MOV10L1: variants seen among roughly 807,000 people sequenced by gnomAD.
MOV10L1 encodes Mov10 like RNA helicase 1.
In MOV10L1, 110 loss-of-function variants were observed where a neutral mutation model predicts 143.8. The ratio of observed to expected loss-of-function variants is 0.76; its 90% CI spans 0.66 to 0.90. MOV10L1 has a LOEUF of 0.90. MOV10L1 is among the 40% of genes least tolerant of loss of function. The pLI is 0.00. For missense variants in MOV10L1, 1,406 were observed against 1,526.8 expected, an observed-to-expected ratio of 0.92 and a Z score of 1.32; for synonymous variants, 593 against 581.1, an observed-to-expected ratio of 1.02 and a Z score of -0.29.
intron 11 of MOV10L1, 63 bp downstream of exon 11, chr22:50,125,632 A>C: frequency 6.6e-7 from 1 of 1,504,072 alleles, no homozygotes; most frequent in East Asian, 2.3e-5. Context: ...TTGAGAGAAG[A>C]TACTCTTTAA....
intron 18 of MOV10L1, among the ~76,000 whole-genome samples, chr22:50,145,099 C>T (rs1602323259): frequency 6.6e-6 from 1 of 152,078 alleles, no homozygotes; most frequent in African/African-American, 2.4e-5. Flanking sequence ...TGTGCCACCA[C>T]ATCCAGCTAA....
At chr22:50,132,282 G>T (rs923208421) in intron 13 of MOV10L1, among the ~76,000 whole-genome samples, 1 of 152,180 alleles carries the variant, frequency 6.6e-6, no homozygotes, top group Non-Finnish European at 1.5e-5. Flanking sequence ...AGGTTGTCTG[G>T]CTGTTCCAGG....
At chr22:50,111,258 C>T (rs2062014728) in intron 5 of MOV10L1, among the ~76,000 whole-genome samples, 1 of 151,958 alleles carries the variant, frequency 6.6e-6, no homozygotes, top group Admixed American at 6.6e-5. Flanking sequence ...AAAGAGGGTG[C>T]GGTCACATGA....
chr22:50,138,494 G>C (rs528005828), intron 15 of MOV10L1, among the ~76,000 whole-genome samples: 19 of 151,858 alleles, frequency 1.3e-4, no homozygotes, highest in African/African-American at 4.6e-4. Context: ...GGAGGTTGAG[G>C]CTGCAGTGAG....
chr22:50,117,673 C>T (rs2062219193), intron 9 of MOV10L1, among the ~76,000 whole-genome samples: 1 of 152,214 alleles, frequency 6.6e-6, no homozygotes, highest in Non-Finnish European at 1.5e-5. Context: ...CAGCTCCTGC[C>T]ACCTCTCCCG....
chr22:50,157,223 C>T lies in MOV10L1; in HGVS notation c.3067-834C>T, dbSNP rs546562298. On this transcript the variant is annotated intron_variant, in intron 22 of 26. Transcript: ENST00000262794. ...TTTGTCAGTGAATTTAAGACTTCCT[C>T]GTAGTTTTGGATATTAACTTCTTAT... is the stretch of plus-strand genomic sequence containing the variant. 7.4e-4 allele frequency among the ~76,000 whole-genome samples: 112 copies of T among 152,254 alleles called. 3 individuals are homozygous for T. The South Asian group carries it at 0.016, about 22-fold the overall frequency.
Position 50,114,448 on chromosome 22 carries a change from T to G in MOV10L1, c.952T>G (p.Phe318Val). 1 of 1,614,222 alleles carries G rather than the reference T, an allele frequency of 6.2e-7. No individual in the cohort carries two copies. The highest frequency in any genetic ancestry group is 8.5e-7 in the Non-Finnish European group (1 of 1,180,040). ...KLAGWDKSKQFRFQMLDKDQM... is the reference protein window; with the variant it reads ...KLAGWDKSKQVRFQMLDKDQM... ...GGCTGGCTGGGATAAATCTAAACAA[T>G]TCAGATTCCAAATGCTGGATAAAGA... Residue 318 changes from phenylalanine to valine, a missense_variant, in exon 7 of 27, where the codon TTC becomes GTC. Physicochemically the swap from Phe to Val is conservative, Grantham distance 50. Coordinates refer to ENST00000262794, the MANE Select transcript of MOV10L1 (RefSeq NM_018995.3).
chr22:50,096,632 A>G (rs1228971431), intron 2 of MOV10L1, among the ~76,000 whole-genome samples: 1 of 152,006 alleles, frequency 6.6e-6, no homozygotes, highest in Non-Finnish European at 1.5e-5. Context: ...CCTTGCCAAC[A>G]CTTGCTATTT....
chr22:50,143,956 G>C, intron 17 of MOV10L1, 141 bp from the exon 18 acceptor site: 2 of 1,093,004 alleles, frequency 1.8e-6, no homozygotes, highest in East Asian at 2.4e-5. Flanking sequence ...TCGTGGCCCA[G>C]GTCTCAGTGT....
intron 8 of MOV10L1, among the ~76,000 whole-genome samples, chr22:50,116,719 G>A (rs1037895294): frequency 7.1e-5 from 10 of 141,198 alleles, no homozygotes; most frequent in African/African-American, 2.7e-4. Context: ...AGGCTGGAGT[G>A]CAGAGGCATG....
rs369600153 is a variant in MOV10L1, at chr22:50,160,674, C to G, written c.3325-14C>G. 1 of 1,610,348 alleles carries G rather than the reference C, an allele frequency of 6.2e-7. No individual in the cohort carries two copies. Among genetic ancestry groups the G allele is most frequent in the East Asian group, 2.2e-5 (1 of 44,828 alleles). On this transcript the variant is annotated splice_polypyrimidine_tract_variant and intron_variant, in intron 24 of 26. Coordinates refer to ENST00000262794, the MANE Select transcript of MOV10L1 (RefSeq NM_018995.3). ...CTTCAAGTGCCATTTTTATTCATCT[C>G]TGTGTGCTTTTAGGTACGGTCAAAT...
chr22:50,125,819 G>A (rs1359202239), intron 11 of MOV10L1, among the ~76,000 whole-genome samples: 3 of 151,808 alleles, frequency 2.0e-5, no homozygotes, highest in African/African-American at 7.3e-5. Flanking sequence ...GTGGAGTCTC[G>A]CTGTGTCGCC....
chr22:50,096,486 C>T (rs1193862286), intron 2 of MOV10L1: 1 of 152,224 alleles, frequency 6.6e-6, no homozygotes, highest in Non-Finnish European at 1.5e-5. Flanking sequence ...TCTTTTGGGG[C>T]TACGCCTAGG....
chr22:50,123,823 C>T (rs189325018), intron 10 of MOV10L1, among the ~76,000 whole-genome samples: 1 of 152,296 alleles, frequency 6.6e-6, no homozygotes, highest in Admixed American at 6.5e-5. Flanking sequence ...ACTGCTTTAA[C>T]CTCCTTAGTA....
At chr22:50,118,761 A>G (rs1035924425) in intron 9 of MOV10L1, among the ~76,000 whole-genome samples, 1 of 152,194 alleles carries the variant, frequency 6.6e-6, no homozygotes, top group Non-Finnish European at 1.5e-5. Flanking sequence ...GTGGGAATCC[A>G]GGCTGTGACG....
Position 50,090,030 on chromosome 22 carries a change from C to CGCGGGCGCGT in MOV10L1, c.-51_-42dup. The CGCGGGCGCGT allele has an allele frequency of 8.6e-7, 1 of 1,161,472 alleles. No individual in the cohort carries two copies. Among genetic ancestry groups the CGCGGGCGCGT allele is most frequent in the Non-Finnish European group, 1.1e-6 (1 of 940,164 alleles). 71.9% of individuals were successfully genotyped at this position (1,161,472 alleles called of 1,614,324 possible). A position where few individuals can be genotyped will look rare whatever the true frequency, so the allele number is the denominator to read the frequency against. On this transcript the variant is annotated 5_prime_UTR_variant, in exon 1 of 27. Coordinates refer to ENST00000262794, the MANE Select transcript of MOV10L1 (RefSeq NM_018995.3). ...CATTGGTGGCGGGCGGCGGGAGCGG[C>CGCGGGCGCGT]GCGGGCGCGTGCGGGCGGCGGCAGC...
rs1263095893 is a variant in MOV10L1, at chr22:50,144,117, C to G, written c.2379C>G (p.Asp793Glu). 2.5e-6 allele frequency: 4 copies of G among 1,610,344 alleles called. No individual in the cohort carries two copies. In the Middle Eastern group the frequency reaches 5.0e-4, roughly 200 times the overall value. ...AVLQVHFALPDSRILVCAPSN... is the reference protein window; with the variant it reads ...AVLQVHFALPESRILVCAPSN... The stretch of plus-strand genomic sequence containing the variant: ...TGAAGGTACACTTTGCCTTGCCGGA[C>G]AGTCGGATTTTAGTCTGTGCGCCCT... Residue 793 changes from aspartate to glutamate, a missense_variant, in exon 18 of 27, where the codon GAC (aspartate) becomes GAG (glutamate). By Grantham distance (45) the Asp-to-Glu change is conservative. Around this residue, in one of 3 missense-constraint regions of MOV10L1, gnomAD observed 1,233 missense variants for 1,351.4 expected, o/e 0.91. Transcript: ENST00000262794.
At chr22:50,101,133 G>C (rs989637641) in intron 3 of MOV10L1, among the ~76,000 whole-genome samples, 1 of 152,102 alleles carries the variant, frequency 6.6e-6, no homozygotes, top group Non-Finnish European at 1.5e-5. Flanking sequence ...TTTAAGCTGG[G>C]GGGTGGGAGG....
At chr22:50,137,444 A>G (rs1384020535) in intron 15 of MOV10L1, among the ~76,000 whole-genome samples, 2 of 152,160 alleles carry the variant, frequency 1.3e-5, no homozygotes, top group Non-Finnish European at 2.9e-5. Flanking sequence ...AGACGGAGCA[A>G]TAGAAACTAT....
Sources: gnomAD v4.1 joint callset for allele counts (sites outside exome capture counted in the v4.1 genomes callset) on GRCh38, gnomAD v4.1.1 for gene constraint, gnomAD v4.1.1 regional missense constraint, MANE v1.5 for transcripts, NCBI Gene and HGNC (gene_info 2026-07-23, HGNC 2026-07-21) for gene names.